The following CCDC57 variants were observed in gnomAD, a reference collection of about 807,000 sequenced individuals.
CCDC57 encodes coiled-coil domain containing 57, also known as coiled-coil domain-containing protein 57.
In CCDC57, 118 loss-of-function variants were observed where a neutral mutation model predicts 118.9. The ratio of observed to expected loss-of-function variants is 0.99; its 90% confidence interval spans 0.86 to 1.16. The LOEUF is 1.16. Ranked by LOEUF, CCDC57 falls within the 50% of genes most tolerant of loss-of-function variation. The probability of loss-of-function intolerance (pLI) is 0.00; values close to 1 mark genes in which losing one functional copy is unlikely to be tolerated. For synonymous variants in CCDC57, 527 were observed against 532.9 expected (o/e 0.99, Z 0.15); for missense variants, 1,300 against 1,320.7 (o/e 0.98, Z 0.24).
intron 9 of CCDC57, among the ~76,000 whole-genome samples, chr17:82,179,666 G>T (rs1479899439): frequency 6.6e-6 from 1 of 152,102 alleles, no homozygotes; most frequent in Non-Finnish European, 1.5e-5. Flanking sequence ...GAGTGCAAAG[G>T]GACAGAGGGG....
At chr17:82,150,045 A>AC (rs1218811980) in intron 16 of CCDC57, among the ~76,000 whole-genome samples, 3 of 107,444 alleles carry the variant, frequency 2.8e-5, no homozygotes, top group Admixed American at 2.1e-4. Flanking sequence ...CCAGAATGTG[A>AC]CCCCCACCCA....
chr17:82,201,843 C>T (rs1240952857), exon 3 of CCDC57: 11 of 1,613,574 alleles, frequency 6.8e-6, no homozygotes, highest in Admixed American at 1.7e-5. Context: ...CCTGCAGAGC[C>T]GCCTCCTGCA....
At chr17:82,109,517 T>C (rs537148370) in intron 19 of CCDC57, among the ~76,000 whole-genome samples, 3 of 152,342 alleles carry the variant, frequency 2.0e-5, no homozygotes, top group Admixed American at 1.3e-4. Flanking sequence ...TATTTATAGA[T>C]GAGTAAACTG....
intron 11 of CCDC57, 81 bp downstream of exon 10, chr17:82,178,393 T>C (rs2045789227): frequency 3.4e-6 from 5 of 1,472,008 alleles, no homozygotes; most frequent in East Asian, 4.7e-5. Context: ...GCTCCAGTCT[T>C]GGTAGGATTT....
At chr17:82,111,933 T>G (rs1290041941) in intron 19 of CCDC57, 1 of 151,310 alleles carries the variant, frequency 6.6e-6, no homozygotes, top group Non-Finnish European at 1.5e-5. Context: ...GTGTTGGGCC[T>G]TGTTTTGGGT....
intron 19 of CCDC57, among the ~76,000 whole-genome samples, chr17:82,102,899 A>C (rs984759135): frequency 2.6e-4 from 37 of 144,930 alleles, no homozygotes; most frequent in African/African-American, 2.5e-4. Context: ...AAAAAAAAAA[A>C]CAAAAAAAAC....
At chr17:82,124,251 T>G (rs2037121541) in intron 19 of CCDC57, among the ~76,000 whole-genome samples, 1 of 152,150 alleles carries the variant, frequency 6.6e-6, no homozygotes, top group Non-Finnish European at 1.5e-5. Flanking sequence ...AGTGCTTCCC[T>G]GACCTTGTTC....
chr17:82,109,089 C>G (rs1256542238), intron 19 of CCDC57: 2 of 152,396 alleles, frequency 1.3e-5, no homozygotes, highest in African/African-American at 2.4e-5. Flanking sequence ...GCTTCCTAAA[C>G]AGGCGGGATA....
At chr17:82,158,920 G>A (rs1330009724) in intron 14 of CCDC57, among the ~76,000 whole-genome samples, 2 of 151,854 alleles carry the variant, frequency 1.3e-5, no homozygotes, top group Non-Finnish European at 2.9e-5. Flanking sequence ...TGGCGCGATC[G>A]TGGCTCGCCG....
At chr17:82,178,582 T>C (rs2045814908) in exon 11 of CCDC57, 2 of 1,612,932 alleles carry the variant, frequency 1.2e-6, no homozygotes, top group African/African-American at 1.3e-5. Flanking sequence ...GCGCCTGCTC[T>C]GTCTCCTGCA....
chr17:82,197,919 T>C lies in CCDC57; in HGVS notation c.516+395A>G, dbSNP rs1427834000. 2.0e-5 allele frequency among the ~76,000 whole-genome samples: 3 copies of C among 150,184 alleles called. No individual in the cohort carries two copies. The South Asian group carries it at 6.2e-4, about 31-fold the overall frequency. On this transcript the variant is annotated intron_variant, in intron 4 of 19. Coordinates refer to ENST00000665763, the Ensembl canonical transcript of CCDC57. ...TCCCTGGTGCTCAGGCCTTTGCCCCTGGGCTGAATTACACCACCAGCTTCC... is the reference window on the plus strand; with the variant it reads ...TCCCTGGTGCTCAGGCCTTTGCCCCCGGGCTGAATTACACCACCAGCTTCC...
At chr17:82,122,145 A>G (rs2145137795) in intron 19 of CCDC57, among the ~76,000 whole-genome samples, 1 of 152,144 alleles carries the variant, frequency 6.6e-6, no homozygotes, top group African/African-American at 2.4e-5. Context: ...CACTTTCTCA[A>G]GCCTCCTACA....
chr17:82,197,878 G>A (rs1467115141), intron 4 of CCDC57, among the ~76,000 whole-genome samples: 1 of 152,210 alleles, frequency 6.6e-6, no homozygotes, highest in Non-Finnish European at 1.5e-5. Context: ...GCTGGACCAG[G>A]ACTCACATCA....
chr17:82,200,596 C>T (rs1182524727), intron 3 of CCDC57, among the ~76,000 whole-genome samples: 1 of 151,908 alleles, frequency 6.6e-6, no homozygotes, highest in Middle Eastern at 3.4e-3. Context: ...CCAGCCTGGG[C>T]AACATGGCAA....
intron 13 of CCDC57, among the ~76,000 whole-genome samples, chr17:82,166,942 C>CA (rs201560800): frequency 5.5e-4 from 81 of 148,172 alleles, no homozygotes; most frequent in South Asian, 1.1e-3. Flanking sequence ...ACAACAACAA[C>CA]AAAAAAAAAG....
chr17:82,111,385 T>TTTTTTTTTTTTTTTTTG, intron 19 of CCDC57, among the ~76,000 whole-genome samples: 1 of 148,294 alleles, frequency 6.7e-6, no homozygotes. Flanking sequence ...CCCTTTTTTT[T>TTTTTTTTTTTTTTTTTG]TTTTTTTTTT....
intron 19 of CCDC57, among the ~76,000 whole-genome samples, chr17:82,125,257 G>T (rs890877756): frequency 5.9e-5 from 9 of 152,150 alleles, no homozygotes; most frequent in Non-Finnish European, 2.9e-5. Flanking sequence ...TACAAAAAAG[G>T]CCGGGCATGG....
chr17:82,202,963 C>T (rs1447018049), intron 2 of CCDC57, among the ~76,000 whole-genome samples: 1 of 152,180 alleles, frequency 6.6e-6, no homozygotes, highest in African/African-American at 2.4e-5. Context: ...TGCCCCTTCC[C>T]ACCCAACACC....
chr17:82,107,758 T>G, intron 19 of CCDC57: 1 of 375,008 alleles, frequency 2.7e-6, no homozygotes, highest in South Asian at 1.9e-5. Flanking sequence ...CTGGAAGTCG[T>G]GGACCGGCGT....
Sources: allele counts gnomAD v4.1 joint callset (sites outside exome capture counted in the v4.1 genomes callset), GRCh38; gene constraint gnomAD v4.1.1; transcripts MANE v1.5; gene names NCBI Gene and HGNC (gene_info 2026-07-23, HGNC 2026-07-21).